LMX1B: variants seen among roughly 807,000 people sequenced by gnomAD.
LMX1B encodes the protein LIM homeobox transcription factor 1-beta.
LMX1B carries 12 observed loss-of-function variants against 51.4 expected under a neutral mutation model. The observed-to-expected ratio is 0.23, with a 90% CI of 0.15 to 0.38. The LOEUF (loss-of-function observed/expected upper bound fraction) is 0.38, where lower values mean the gene tolerates loss of function less well. Among genes scored for constraint, LMX1B ranks in the 10% least tolerant of loss-of-function variants. LMX1B has a pLI of 1.00. For synonymous variants in LMX1B, 237 were observed against 235.4 expected (o/e 1.01, Z -0.06); for missense variants, 445 against 571.1 (o/e 0.78, Z 2.25).
chr9:126,630,792 GTC>G (rs1835618500), intron 2 of LMX1B, among the ~76,000 whole-genome samples: 1 of 152,270 alleles, frequency 6.6e-6, no homozygotes. Context: ...GCCGGCCAGG[GTC>G]TGCCCTCCTG....
intron 2 of LMX1B, among the ~76,000 whole-genome samples, chr9:126,642,316 C>T (rs986634266): frequency 2.0e-5 from 3 of 152,168 alleles, no homozygotes; most frequent in Non-Finnish European, 2.9e-5. Flanking sequence ...ACAGCCATTC[C>T]AAGATCTCCT....
chr9:126,684,470 G>A (rs543657946), intron 2 of LMX1B, among the ~76,000 whole-genome samples: 1 of 152,318 alleles, frequency 6.6e-6, no homozygotes, highest in South Asian at 2.1e-4. Flanking sequence ...AATTACCAGG[G>A]AGGGACAGGT....
intron 2 of LMX1B, among the ~76,000 whole-genome samples, chr9:126,619,870 G>A (rs1171188622): frequency 6.6e-6 from 1 of 152,266 alleles, no homozygotes; most frequent in East Asian, 1.9e-4. Context: ...ATTGGTGACT[G>A]TCAGCTCTTT....
intron 2 of LMX1B, among the ~76,000 whole-genome samples, chr9:126,649,959 G>C (rs933924760): frequency 4.6e-5 from 7 of 152,164 alleles, no homozygotes; most frequent in Admixed American, 2.6e-4. Flanking sequence ...AACAAATTTT[G>C]TACTGTTCTC....
intron 2 of LMX1B, among the ~76,000 whole-genome samples, chr9:126,642,496 G>A (rs888660969): frequency 1.3e-5 from 2 of 152,062 alleles, no homozygotes; most frequent in Admixed American, 6.5e-5. Context: ...TCTCTTCACC[G>A]GGCAAACTCT....
intron 3 of LMX1B, among the ~76,000 whole-genome samples, chr9:126,691,792 C>T (rs1027886460): frequency 6.6e-6 from 1 of 152,248 alleles, no homozygotes; most frequent in Non-Finnish European, 1.5e-5. Context: ...TCGAGCCAGC[C>T]TCTGTTTCCC....
At chr9:126,687,364 G>T (rs1251713272) in intron 2 of LMX1B, among the ~76,000 whole-genome samples, 2 of 152,092 alleles carry the variant, frequency 1.3e-5, no homozygotes, top group Non-Finnish European at 2.9e-5. Context: ...GAGTAGCTAG[G>T]ATTACAGGTG....
intron 2 of LMX1B, among the ~76,000 whole-genome samples, chr9:126,632,510 G>A (rs1835651221): frequency 1.3e-5 from 2 of 152,230 alleles, no homozygotes; most frequent in African/African-American, 4.8e-5. Context: ...CCTGTGGGCA[G>A]GAGGGAGCTA....
chr9:126,696,369 C>T lies in LMX1B; in HGVS notation c.1127C>T (p.Ser376Leu). The T allele has an allele frequency of 6.2e-7, 1 of 1,614,138 alleles. No individual in the cohort carries two copies. Among genetic ancestry groups the T allele is most frequent in the Non-Finnish European group, 8.5e-7 (1 of 1,179,974 alleles). ...CTCAGCGACTGCTTCCTCGGCTCCT[C>T]AGACGTGGGCTCCCTGCAGGCCCGC... Reference protein sequence around the residue: ...TSLSDCFLGSSDVGSLQARVG... With the variant: ...TSLSDCFLGSLDVGSLQARVG... Residue 376 changes from serine to leucine, a missense_variant, in exon 8 of 8, where the codon TCA becomes TTA. Around this residue, in one of 3 missense-constraint regions of LMX1B, gnomAD observed 162 missense variants for 187.8 expected, o/e 0.86. Transcript: ENST00000373474.
rs572241075 is a variant in LMX1B, at chr9:126,697,738, A to T, written c.*1287A>T. ...ATGATTTGGCCACATGACCTTAGAG[A>T]TTCACCCTGCCCTGCTGTAGCTAAA... On this transcript the variant is annotated 3_prime_UTR_variant, in exon 8 of 8. Coordinates refer to ENST00000373474, the MANE Select transcript of LMX1B (RefSeq NM_001174147.2). 7 of 152,510 alleles carry T rather than the reference A, an allele frequency of 4.6e-5. No homozygotes were observed. The East Asian group carries it at 9.6e-4, about 21-fold the overall frequency. 9.4% of individuals were successfully genotyped at this position (152,510 alleles called of 1,614,324 possible). A position where few individuals can be genotyped will look rare whatever the true frequency, so the allele number is the denominator to read the frequency against.
chr9:126,617,410 A>G (rs564179734), intron 2 of LMX1B, among the ~76,000 whole-genome samples: 98 of 152,190 alleles, frequency 6.4e-4, no homozygotes, highest in African/African-American at 2.0e-3. Flanking sequence ...AAAACTTGTT[A>G]ATATATTGAA....
At chr9:126,686,296 A>G (rs1836768575) in intron 2 of LMX1B, among the ~76,000 whole-genome samples, 1 of 151,624 alleles carries the variant, frequency 6.6e-6, no homozygotes, top group Admixed American at 6.6e-5. Context: ...AAAAAAAAAA[A>G]GAAATTAATC....
intron 2 of LMX1B, among the ~76,000 whole-genome samples, chr9:126,678,487 C>T (rs1419711932): frequency 6.6e-6 from 1 of 152,084 alleles, no homozygotes; most frequent in Non-Finnish European, 1.5e-5. Flanking sequence ...CATATGACAC[C>T]CCCAAATCTG....
At chr9:126,683,078 G>A (rs1588300511) in intron 2 of LMX1B, among the ~76,000 whole-genome samples, 1 of 151,270 alleles carries the variant, frequency 6.6e-6, no homozygotes, top group Non-Finnish European at 1.5e-5. Context: ...CCCCTGGCGC[G>A]GATCAAAGGG....
chr9:126,625,910 A>G lies in LMX1B; in HGVS notation c.326+10341A>G, dbSNP rs1280505379. Among the ~76,000 whole-genome samples, 1 of 151,676 alleles carries G rather than the reference A, an allele frequency of 6.6e-6. No homozygotes were observed. Among genetic ancestry groups the G allele is most frequent in the African/African-American group, 2.4e-5 (1 of 41,338 alleles). On this transcript the variant is annotated intron_variant, in intron 2 of 7. Coordinates refer to ENST00000373474, the MANE Select transcript of LMX1B (RefSeq NM_001174147.2). The surrounding 1 kb of genome is among the most constrained non-coding windows in gnomAD (Gnocchi z 5.3). The stretch of plus-strand genomic sequence containing the variant: ...TTAGCCGTGGCGCTCGCCTCGGCGC[A>G]GTGGGGAGCCGCGGGCGTCGGAGAA...
chr9:126,653,312 A>G (rs950687494), intron 2 of LMX1B, among the ~76,000 whole-genome samples: 3 of 151,608 alleles, frequency 2.0e-5, no homozygotes, highest in Admixed American at 6.6e-5. Context: ...ATGCCACCAC[A>G]TCCACTAATT....
Position 126,693,821 on chromosome 9 carries a change from G to T in LMX1B, c.886+9G>T. On this transcript the variant is annotated intron_variant, in intron 6 of 7. Coordinates refer to ENST00000373474, the MANE Select transcript of LMX1B (RefSeq NM_001174147.2). ...CCAGCGGCTGGGCCAGGGTGAGCCG[G>T]GGCCGGGGCAGGGCCTGGGCCAGGG... 8.0e-7 allele frequency: 1 copy of T among 1,252,914 alleles called. No individual in the cohort carries two copies. The highest frequency in any genetic ancestry group is 1.1e-6 in the Non-Finnish European group (1 of 887,820). 77.6% of individuals were successfully genotyped at this position (1,252,914 alleles called of 1,614,324 possible).
In LMX1B at chr9:126,616,749, G is replaced by A. The variant is rs971855700; in HGVS notation, c.326+1180G>A. On this transcript the variant is annotated intron_variant, in intron 2 of 7. Coordinates refer to ENST00000373474, the MANE Select transcript of LMX1B (RefSeq NM_001174147.2). The stretch of plus-strand genomic sequence containing the variant: ...TGCCCAGGGATTGTCCCCAGTCCAG[G>A]GCCTAGTGGAAAGCAGCGCAGCCCA... 3.3e-5 allele frequency among the ~76,000 whole-genome samples: 5 copies of A among 152,224 alleles called. No homozygotes were observed. The South Asian group carries it at 6.2e-4, about 19-fold the overall frequency.
chr9:126,628,748 A>G (rs955633076), intron 2 of LMX1B, among the ~76,000 whole-genome samples: 6 of 152,096 alleles, frequency 3.9e-5, no homozygotes, highest in Non-Finnish European at 8.8e-5. Flanking sequence ...CTTTTCCAGG[A>G]GATTTTTCAG....
Sources: allele counts gnomAD v4.1 joint callset (sites outside exome capture counted in the v4.1 genomes callset), GRCh38; gene constraint gnomAD v4.1.1; regional missense constraint gnomAD v4.1.1; non-coding constraint Gnocchi (gnomAD v3.1); transcripts MANE v1.5; gene names NCBI Gene and HGNC (gene_info 2026-07-23, HGNC 2026-07-21).